The following ITSN2 variants were observed in gnomAD, a reference collection of about 807,000 sequenced individuals.
The protein encoded by ITSN2 is intersectin-2.
In ITSN2, 156 loss-of-function variants were observed where a neutral mutation model predicts 243.7. The ratio of observed to expected loss-of-function variants is 0.64; its 90% CI spans 0.56 to 0.73. The LOEUF (loss-of-function observed/expected upper bound fraction) is 0.73. ITSN2 is among the 30% of genes least tolerant of loss of function. The pLI, the probability that ITSN2 is intolerant of heterozygous loss-of-function variation, is 0.00. For synonymous variants in ITSN2, 703 were observed against 699.9 expected, an observed-to-expected ratio of 1.00 and a Z score of -0.07; for missense variants, 1,801 against 1,996.1, an observed-to-expected ratio of 0.90 and a Z score of 1.86.
intron 15 of ITSN2, among the ~76,000 whole-genome samples, chr2:24,290,620 A>C: frequency 6.6e-6 from 1 of 152,096 alleles, no homozygotes; most frequent in Admixed American, 6.6e-5. Context: ...TTAGCCTCCT[A>C]ATTTATCTAG....
chr2:24,360,951 T>G (rs556163234), upstream of ITSN2, among the ~76,000 whole-genome samples: 11 of 152,312 alleles, frequency 7.2e-5, 1 homozygote, highest in South Asian at 2.3e-3. Flanking sequence ...TTTTCTCCAC[T>G]GATCTGGGGG....
At chr2:24,220,679 C>A in intron 30 of ITSN2, 2 of 1,281,052 alleles carry the variant, frequency 1.6e-6, no homozygotes, top group Non-Finnish European at 2.0e-6. Context: ...CGAAGCCATG[C>A]GAATGCCCTC....
chr2:24,298,568 T>C (rs1377135830), intron 13 of ITSN2, 97 bp downstream of exon 13: 3 of 1,171,756 alleles, frequency 2.6e-6, no homozygotes, highest in African/African-American at 1.6e-5. Flanking sequence ...AGTGCTAGGA[T>C]AACAGGTGTG....
chr2:24,288,652 ATACT>A (rs770384085), intron 15 of ITSN2, among the ~76,000 whole-genome samples: 1 of 152,156 alleles, frequency 6.6e-6, no homozygotes, highest in Non-Finnish European at 1.5e-5. Context: ...CTTACCTCAC[ATACT>A]TACCATTTTT....
intron 23 of ITSN2, among the ~76,000 whole-genome samples, chr2:24,256,896 T>C (rs968416132): frequency 1.3e-5 from 2 of 152,180 alleles, no homozygotes; most frequent in African/African-American, 4.8e-5. Flanking sequence ...GACTCAGAAA[T>C]GGGAATGCCC....
chr2:24,281,709 A>G (rs1457324550), intron 17 of ITSN2, among the ~76,000 whole-genome samples: 1 of 152,236 alleles, frequency 6.6e-6, no homozygotes, highest in Non-Finnish European at 1.5e-5. Context: ...AAGCTTGCAT[A>G]TCTGCACTGA....
At chr2:24,234,286 A>AG (rs1369093106) in intron 29 of ITSN2, among the ~76,000 whole-genome samples, 2 of 151,986 alleles carry the variant, frequency 1.3e-5, no homozygotes, top group Non-Finnish European at 2.9e-5. Context: ...GCGAAAAAAA[A>AG]AAAAGAAATT....
chr2:24,318,269 C>A (rs554113497), intron 2 of ITSN2, among the ~76,000 whole-genome samples: 2 of 152,272 alleles, frequency 1.3e-5, no homozygotes, highest in Admixed American at 6.5e-5. Context: ...CCTCAGCCGC[C>A]TGAGTAGCTG....
intron 13 of ITSN2, among the ~76,000 whole-genome samples, chr2:24,296,047 C>T (rs755203156): frequency 2.6e-5 from 4 of 152,188 alleles, no homozygotes; most frequent in African/African-American, 4.8e-5. Flanking sequence ...AAAGCAGAAA[C>T]ATAACACATT....
At chr2:24,256,566 G>A (rs1189566637) in intron 23 of ITSN2, among the ~76,000 whole-genome samples, 1 of 152,014 alleles carries the variant, frequency 6.6e-6, no homozygotes, top group African/African-American at 2.4e-5. Context: ...TATTATATTC[G>A]ACAACTTGAC....
Position 24,315,187 on chromosome 2 carries a change from A to T in ITSN2, c.69T>A (p.Arg23=). The T allele has an allele frequency of 6.2e-7, 1 of 1,612,782 alleles. No individual in the cohort carries two copies. Among genetic ancestry groups the T allele is most frequent in the Non-Finnish European group, 8.5e-7 (1 of 1,179,058 alleles). ...TATCAAACTGCCTGTCATGCTTAGT[A>T]CGTTCTTCAGAGGTAATAGCCCACA... ...PNMWAITSEE[R]TKHDRQFDNL... Residue 23 remains arginine, a synonymous_variant, in exon 3 of 40, where the codon CGT becomes CGA. Coordinates refer to ENST00000355123, the MANE Select transcript of ITSN2 (RefSeq NM_006277.3).
intron 17 of ITSN2, 134 bp from the exon 18 acceptor site, chr2:24,275,983 A>T (rs1677963679): frequency 5.1e-6 from 3 of 585,120 alleles, no homozygotes; most frequent in Non-Finnish European, 8.3e-6. Context: ...TTAAAGTTTT[A>T]AAAAATATCT....
chr2:24,203,476 T>C lies in ITSN2; in HGVS notation c.*150A>G. 1 of 705,298 alleles carries C rather than the reference T, an allele frequency of 1.4e-6. No homozygotes were observed. The highest frequency in any genetic ancestry group is 2.3e-6 in the Non-Finnish European group (1 of 435,628). The allele number at this position is 705,298 out of a possible 1,614,324, so 43.7% of individuals were successfully genotyped here. On this transcript the variant is annotated 3_prime_UTR_variant, in exon 40 of 40. Transcript: ENST00000355123. ...AGGTGTTTGCATAGATTGCTAGCTA[T>C]TTAGTGTGCAGGAAAACAGAGCCCC...
chr2:24,241,212 T>C (rs1354749239), intron 29 of ITSN2: 1 of 152,188 alleles, frequency 6.6e-6, no homozygotes, highest in Non-Finnish European at 1.5e-5. Context: ...CCCCTTTGTA[T>C]ACTGGGACAT....
In ITSN2 at chr2:24,237,400, C is replaced by A. The variant is rs148086845; in HGVS notation, c.3577+8729G>T. Reference sequence around the variant, plus strand: ...CATCTTTGTGAGTTCCTTTCACTATCCAACCCTTAACTGCTGATCTTCTAG... The same window carrying A: ...CATCTTTGTGAGTTCCTTTCACTATACAACCCTTAACTGCTGATCTTCTAG... On this transcript the variant is annotated intron_variant, in intron 29 of 39. Coordinates refer to ENST00000355123, the MANE Select transcript of ITSN2 (RefSeq NM_006277.3). Among the ~76,000 whole-genome samples the A allele has an allele frequency of 5.3e-3, 551 of 104,028 alleles. 3 individuals are homozygous for A. The highest frequency in any genetic ancestry group is 0.02 in the African/African-American group (531 of 26,390). The allele number at this position is 104,028 out of a possible 152,430, so 68.2% of individuals were successfully genotyped here.
At chr2:24,316,988 C>T (rs1684004269) in intron 2 of ITSN2, among the ~76,000 whole-genome samples, 2 of 152,188 alleles carry the variant, frequency 1.3e-5, no homozygotes, top group African/African-American at 4.8e-5. Flanking sequence ...TTGAATTCCA[C>T]AAGGTGGGAA....
intron 29 of ITSN2, among the ~76,000 whole-genome samples, chr2:24,237,986 T>C (rs1437609786): frequency 6.6e-6 from 1 of 152,164 alleles, no homozygotes; most frequent in African/African-American, 2.4e-5. Context: ...CTGACGATAC[T>C]GAAATGCTTA....
intron 29 of ITSN2, among the ~76,000 whole-genome samples, chr2:24,242,735 A>G (rs1672873570): frequency 6.6e-6 from 1 of 152,220 alleles, no homozygotes; most frequent in Admixed American, 6.5e-5. Flanking sequence ...AAACCATCTC[A>G]GAGGAACCTC....
chr2:24,326,298 T>C (rs1440603550), intron 2 of ITSN2, among the ~76,000 whole-genome samples: 3 of 152,200 alleles, frequency 2.0e-5, no homozygotes, highest in Non-Finnish European at 4.4e-5. Flanking sequence ...ATAGTCCATT[T>C]GTTCTCAATG....
Sources: allele counts gnomAD v4.1 joint callset (sites outside exome capture counted in the v4.1 genomes callset), GRCh38; gene constraint gnomAD v4.1.1; transcripts MANE v1.5; gene names NCBI Gene and HGNC (gene_info 2026-07-23, HGNC 2026-07-21).